ERMAP: variants seen among roughly 807,000 people sequenced by gnomAD.
ERMAP encodes the protein erythroid membrane-associated protein.
Under a neutral mutation model 49.5 loss-of-function variants are expected in ERMAP, and 34 were observed. That is an observed-to-expected ratio of 0.69 (90% CI 0.52 to 0.91). The LOEUF (loss-of-function observed/expected upper bound fraction) is 0.91. Among genes scored for constraint, ERMAP ranks in the 40% least tolerant of loss-of-function variants. ERMAP has a pLI of 0.00. For synonymous variants in ERMAP, 214 were observed against 232.2 expected, an observed-to-expected ratio of 0.92 and a Z score of 0.71; for missense variants, 541 against 582.6, an observed-to-expected ratio of 0.93 and a Z score of 0.74.
chr1:42,830,291 A>T, intron 2 of ERMAP, 153 bp from the exon 3 acceptor site: 2 of 637,704 alleles, frequency 3.1e-6, no homozygotes, highest in Admixed American at 2.7e-5. Context: ...TCACAGTATC[A>T]CAAGGAGGTA....
chr1:42,835,073 G>A lies in ERMAP; in HGVS notation c.469G>A (p.Ala157Thr). Residue 157 changes from alanine (A) to threonine (T), a missense_variant, in exon 5 of 12, where the codon GCT (alanine) becomes ACT (threonine). Transcript: ENST00000372517. The stretch of plus-strand genomic sequence containing the variant: ...GGGGAGTCTCTCCCCCTCAGCAGTG[G>A]CTCTGGCTGTGATCCTGCCTGTCCT... ...SVGSLSPSAVALAVILPVLVL... is the reference protein window; with the variant it reads ...SVGSLSPSAVTLAVILPVLVL... 6.4e-7 allele frequency: 1 copy of A among 1,571,262 alleles called. No individual in the cohort carries two copies. The highest frequency in any genetic ancestry group is 8.8e-7 in the Non-Finnish European group (1 of 1,140,734).
intron 1 of ERMAP, 119 bp downstream of exon 1, chr1:42,817,372 C>A (rs1175614980): frequency 3.3e-6 from 2 of 603,126 alleles, no homozygotes; most frequent in South Asian, 6.8e-5. Context: ...AGGCTTCCGC[C>A]CGCAGGAGCG....
At chr1:42,837,813 T>C (rs1654944786) in intron 7 of ERMAP, 1 of 152,406 alleles carries the variant, frequency 6.6e-6, no homozygotes, top group African/African-American at 2.4e-5. Flanking sequence ...TTGAAGTCTA[T>C]CTGGGAAGAC....
chr1:42,823,250 A>G (rs1654448330), intron 1 of ERMAP, among the ~76,000 whole-genome samples: 1 of 152,186 alleles, frequency 6.6e-6, no homozygotes. Flanking sequence ...CTTGCATTTT[A>G]AATGAATGTT....
intron 1 of ERMAP, among the ~76,000 whole-genome samples, chr1:42,820,976 T>C (rs1654392008): frequency 6.6e-6 from 1 of 152,192 alleles, no homozygotes; most frequent in Non-Finnish European, 1.5e-5. Context: ...ATCCCAAGCC[T>C]GGAAGGTTCT....
At chr1:42,829,225 G>A (rs1654641999) in intron 2 of ERMAP, among the ~76,000 whole-genome samples, 1 of 152,154 alleles carries the variant, frequency 6.6e-6, no homozygotes, top group Non-Finnish European at 1.5e-5. Context: ...AGAAAAACAA[G>A]AACAACCCTA....
rs1655090233 is a variant in ERMAP at position 42,842,628 on chromosome 1, G to A, written c.824G>A (p.Arg275Lys). The A allele has an allele frequency of 2.5e-6, 4 of 1,614,196 alleles. No homozygotes were observed. The highest frequency in any genetic ancestry group is 1.1e-5 in the South Asian group (1 of 91,086). The change falls in exon 12 of 12, where the codon AGA becomes AAA. Residue 275 changes from arginine (R) to lysine (K), a missense_variant. Coordinates refer to ENST00000372517, the MANE Select transcript of ERMAP (RefSeq NM_001017922.2). ...CAGCCTGTACCTGACAACCCCCAGA[G>A]ATTTGATTTCGTTGTCAGCATCCTA... ...RRQPVPDNPQ[R>K]FDFVVSILGS... is the part of the protein sequence containing the mutation.
At position 42,830,514 on chromosome 1, in the gene ERMAP, G is replaced by T. The variant is rs1305856682; in HGVS notation, c.66G>T (p.Arg22=). The part of the protein sequence containing the change: ...SGCLIPLVFL[R]LSVHVSGHAG... ...GCCTCATCCCTCTCGTCTTCCTCCG[G>T]CTGTCTGTGCATGTGTCAGGTAGGA... Residue 22 remains arginine (R), a synonymous_variant, in exon 3 of 12, where the codon CGG becomes CGT. Coordinates refer to ENST00000372517, the MANE Select transcript of ERMAP (RefSeq NM_001017922.2). 1.9e-6 allele frequency: 3 copies of T among 1,614,110 alleles called. No homozygotes were observed. In the African/African-American group the frequency reaches 4.0e-5, roughly 22 times the overall value.
At chr1:42,826,215 G>C (rs1295745850) in intron 2 of ERMAP, among the ~76,000 whole-genome samples, 2 of 152,078 alleles carry the variant, frequency 1.3e-5, no homozygotes, top group African/African-American at 4.8e-5. Context: ...GCAGAATTTT[G>C]CAAACCATTA....
At chr1:42,822,690 A>G (rs1021893385) in intron 1 of ERMAP, among the ~76,000 whole-genome samples, 6 of 152,192 alleles carry the variant, frequency 3.9e-5, no homozygotes, top group African/African-American at 1.2e-4. Flanking sequence ...GTCATCCTAC[A>G]GTGCTATAAA....
At chr1:42,832,296 T>C (rs1031623549) in intron 4 of ERMAP, among the ~76,000 whole-genome samples, 6 of 149,688 alleles carry the variant, frequency 4.0e-5, no homozygotes, top group Non-Finnish European at 8.9e-5. Flanking sequence ...GTTCAGGTGA[T>C]TCTCCTGCCT....
chr1:42,837,858 T>G (rs1384773482), intron 7 of ERMAP: 1 of 152,532 alleles, frequency 6.6e-6, no homozygotes, highest in Non-Finnish European at 1.5e-5. Context: ...GATTCAATGA[T>G]GTCAGCGTCT....
intron 2 of ERMAP, among the ~76,000 whole-genome samples, chr1:42,829,299 G>A (rs939891873): frequency 6.6e-6 from 1 of 152,190 alleles, no homozygotes; most frequent in Non-Finnish European, 1.5e-5. Context: ...TGTGTTCAAC[G>A]CTAGCTTCAT....
In ERMAP at chr1:42,817,307, C is replaced by T. The variant is rs1654263412; in HGVS notation, c.-122+54C>T. On this transcript the variant is annotated intron_variant, in intron 1 of 11. Coordinates refer to ENST00000372517, the MANE Select transcript of ERMAP (RefSeq NM_001017922.2). ...ACCCAGCGCTGCCTGCCCACCGCCC[C>T]TCGTCCTGGGCGGGGCCGCGCGCCG... is the stretch of plus-strand genomic sequence containing the variant. 9.3e-6 allele frequency: 11 copies of T among 1,182,032 alleles called. No homozygotes were observed. The South Asian group carries it at 1.4e-4, about 15-fold the overall frequency. The allele number at this position is 1,182,032 out of a possible 1,614,324, so 73.2% of individuals were successfully genotyped here.
intron 8 of ERMAP, 88 bp from the exon 9 acceptor site, chr1:42,839,945 T>C: frequency 7.6e-7 from 1 of 1,322,502 alleles, no homozygotes; most frequent in South Asian, 1.2e-5. Flanking sequence ...ATCTGTCTGC[T>C]CATGGTTGGG....
rs139926081 is a variant in ERMAP at position 42,843,052 on chromosome 1, C to T, written c.1248C>T (p.His416=). Residue 416 remains histidine (H), a synonymous_variant, in exon 12 of 12, where the codon CAC becomes CAT. Transcript: ENST00000372517. ...TAPLVICSEL[H]KSEESIVPRP... ...CTCTAGTCATTTGTTCAGAACTACACAAATCAGAGGAATCAATTGTCCCCA... is the reference window on the plus strand; with the variant it reads ...CTCTAGTCATTTGTTCAGAACTACATAAATCAGAGGAATCAATTGTCCCCA... 2.7e-4 allele frequency: 435 copies of T among 1,614,160 alleles called. 2 individuals carry two copies. In the East Asian group the frequency reaches 5.2e-3, roughly 19 times the overall value.
chr1:42,835,668 G>T, intron 5 of ERMAP, 64 bp from the exon 6 acceptor site: 1 of 1,602,516 alleles, frequency 6.2e-7, no homozygotes, highest in South Asian at 1.1e-5. Context: ...GGCATCTTGG[G>T]ACACTTGTGC....
At chr1:42,839,372 G>A (rs148290779) in intron 8 of ERMAP, 210 of 177,070 alleles carry the variant, frequency 1.2e-3, no homozygotes, top group Admixed American at 4.7e-3. Context: ...AGCACTTTGG[G>A]AGGCCAAGGC....
At position 42,837,207 on chromosome 1, in the gene ERMAP, G is replaced by A; in HGVS notation, c.616+17G>A. 2 of 1,612,112 alleles carry A rather than the reference G, an allele frequency of 1.2e-6. No individual in the cohort carries two copies. Among genetic ancestry groups the A allele is most frequent in the South Asian group, 1.1e-5 (1 of 90,968 alleles). ...AAGAAAAAGGTAATGATATAAAAGA[G>A]TAAGGGGTAGGGAACAAAAAACACA... is the stretch of plus-strand genomic sequence containing the variant. On this transcript the variant is annotated intron_variant, in intron 7 of 11. Coordinates refer to ENST00000372517, the MANE Select transcript of ERMAP (RefSeq NM_001017922.2).
Sources: gnomAD v4.1 joint callset for allele counts (sites outside exome capture counted in the v4.1 genomes callset) on GRCh38, gnomAD v4.1.1 for gene constraint, MANE v1.5 for transcripts, NCBI Gene and HGNC (gene_info 2026-07-23, HGNC 2026-07-21) for gene names.